PARP15: variants seen among roughly 807,000 people sequenced by gnomAD.
PARP15 encodes the protein protein mono-ADP-ribosyltransferase PARP15.
PARP15 carries 50 observed loss-of-function variants against 62.1 expected under a neutral mutation model. The observed-to-expected ratio is 0.81, with a 90% CI of 0.64 to 1.02. PARP15 has a LOEUF of 1.02. Ranked by LOEUF, PARP15 falls within the 50% of genes least tolerant of loss-of-function variation. The pLI, the probability that PARP15 is intolerant of heterozygous loss-of-function variation, is 0.00. For missense variants in PARP15, 820 were observed against 826.5 expected (o/e 0.99, Z 0.10); for synonymous variants, 309 against 293.1 (o/e 1.05, Z -0.55).
intron 1 of PARP15, among the ~76,000 whole-genome samples, chr3:122,580,017 A>G (rs1427328228): frequency 4.8e-5 from 6 of 125,874 alleles, no homozygotes; most frequent in Non-Finnish European, 7.0e-5. Context: ...ATATATATAT[A>G]TATATATATA....
intron 1 of PARP15, among the ~76,000 whole-genome samples, chr3:122,599,645 C>G (rs1017426306): frequency 1.3e-5 from 2 of 152,016 alleles, no homozygotes; most frequent in African/African-American, 4.8e-5. Flanking sequence ...ATAATCATAG[C>G]TAATTGCAGC....
chr3:122,612,994 C>T (rs1385368074), intron 3 of PARP15, 47 bp from the exon 4 acceptor site: 35 of 1,473,070 alleles, frequency 2.4e-5, no homozygotes, highest in African/African-American at 4.2e-5. Flanking sequence ...TTCTGTTTTC[C>T]GCTAGCTTAA....
In PARP15 at chr3:122,619,858, T is replaced by G. The variant is rs1936229396; in HGVS notation, c.1063+15T>G. On this transcript the variant is annotated intron_variant, in intron 7 of 11. Transcript: ENST00000464300. The stretch of plus-strand genomic sequence containing the variant: ...TGCTGTACTAGGTATGGGCACATGT[T>G]ACTTTTGACTACAAACTTGAAAATC... The G allele has an allele frequency of 6.2e-7, 1 of 1,601,480 alleles. No homozygotes were observed. Among genetic ancestry groups the G allele is most frequent in the South Asian group, 1.1e-5 (1 of 90,828 alleles).
chr3:122,582,935 G>GT (rs71270425), intron 1 of PARP15, among the ~76,000 whole-genome samples: 53,924 of 150,982 alleles, frequency 0.36, 9,915 homozygotes, highest in Admixed American at 0.45. Flanking sequence ...TGTTTACAGT[G>GT]TTTTTTTTCT....
chr3:122,623,427 G>A (rs1936477789), intron 8 of PARP15, among the ~76,000 whole-genome samples: 1 of 152,184 alleles, frequency 6.6e-6, no homozygotes, highest in South Asian at 2.1e-4. Context: ...CACATAGTGG[G>A]AAGGGTTGCA....
At position 122,621,558 on chromosome 3, in the gene PARP15, A is replaced by T. The variant is rs1383719580; in HGVS notation, c.1178A>T (p.Glu393Val). The T allele has an allele frequency of 9.3e-6, 15 of 1,613,790 alleles. No individual in the cohort carries two copies. Among genetic ancestry groups the T allele is most frequent in the Non-Finnish European group, 1.3e-5 (15 of 1,179,946 alleles). ...DVRKTVTSVL[E>V]ECEQRKYTSV... ...AGGAAAACGGTCACCAGTGTTCTAG[A>T]AGAGTGTGAACAGAGGAAGTACACA... Residue 393 changes from glutamate (E) to valine (V), a missense_variant, in exon 8 of 12, where the codon GAA becomes GTA. By Grantham distance (121) the Glu-to-Val change is moderately radical. Transcript: ENST00000464300.
chr3:122,583,420 C>T (rs1041088388), intron 1 of PARP15, among the ~76,000 whole-genome samples: 22 of 152,120 alleles, frequency 1.4e-4, no homozygotes, highest in African/African-American at 5.1e-4. Context: ...AGCCACCAAG[C>T]ACAGTCTGTA....
intron 1 of PARP15, among the ~76,000 whole-genome samples, chr3:122,586,876 G>A (rs1933489453): frequency 1.3e-5 from 2 of 152,248 alleles, no homozygotes; most frequent in African/African-American, 4.8e-5. Context: ...TTTTGACAAT[G>A]TTTAATAATA....
At chr3:122,583,110 G>A (rs1933092449) in intron 1 of PARP15, among the ~76,000 whole-genome samples, 1 of 103,704 alleles carries the variant, frequency 9.6e-6, no homozygotes, top group Non-Finnish European at 2.0e-5. Flanking sequence ...TCTATCATCT[G>A]TATCTTTTTT....
Position 122,626,962 on chromosome 3 carries a change from T to A in PARP15, c.1367T>A (p.Phe456Tyr). 1 of 1,613,974 alleles carries A rather than the reference T, an allele frequency of 6.2e-7. No homozygotes were observed. The highest frequency in any genetic ancestry group is 8.5e-7 in the Non-Finnish European group (1 of 1,179,974). ...TTTCAACCTGAGCTGCTAAATATAT[T>A]CTACGACAGCATGAAAAAAAGAGAC... ...VIFQPELLNI[F>Y]YDSMKKRDLS... The change falls in exon 9 of 12, where the codon TTC becomes TAC. Residue 456 changes from phenylalanine to tyrosine, a missense_variant. This residue lies in a region of PARP15 where 731 missense variants were observed against 727.7 expected (regional missense o/e 1.00). Coordinates refer to ENST00000464300, the MANE Select transcript of PARP15 (RefSeq NM_001113523.3).
At chr3:122,601,410 A>G (rs1471421489) in intron 1 of PARP15, among the ~76,000 whole-genome samples, 1 of 152,018 alleles carries the variant, frequency 6.6e-6, no homozygotes, top group Non-Finnish European at 1.5e-5. Context: ...CCTGTGCTCC[A>G]CCTATTCATC....
intron 9 of PARP15, among the ~76,000 whole-genome samples, chr3:122,629,022 A>G (rs761036767): frequency 1.1e-4 from 17 of 152,238 alleles, no homozygotes; most frequent in Non-Finnish European, 1.8e-4. Context: ...AGCACCAAGT[A>G]TATATCAGAT....
At chr3:122,620,807 G>T (rs1269562954) in intron 7 of PARP15, among the ~76,000 whole-genome samples, 1 of 143,644 alleles carries the variant, frequency 7.0e-6, no homozygotes, top group African/African-American at 2.9e-5. Context: ...AGGATGGGAT[G>T]GGCAGGGATC....
chr3:122,611,520 G>A (rs1935563091), intron 3 of PARP15, among the ~76,000 whole-genome samples: 1 of 151,626 alleles, frequency 6.6e-6, no homozygotes, highest in African/African-American at 2.4e-5. Context: ...TGTATTTTTA[G>A]TAGAGACGGG....
Position 122,597,537 on chromosome 3 carries a change from C to T in PARP15, c.187-8399C>T, listed in dbSNP as rs1013126364. On this transcript the variant is annotated intron_variant, in intron 1 of 11. Coordinates refer to ENST00000464300, the MANE Select transcript of PARP15 (RefSeq NM_001113523.3). ...TTGGCCTCCCAAAGTGCTGGGATTACAGATGTGAGTCACCGCGCCCAGCTT... is the reference window on the plus strand; with the variant it reads ...TTGGCCTCCCAAAGTGCTGGGATTATAGATGTGAGTCACCGCGCCCAGCTT... Among the ~76,000 whole-genome samples, 3 of 152,128 alleles carry T rather than the reference C, an allele frequency of 2.0e-5. No homozygotes were observed. In the East Asian group the frequency reaches 5.8e-4, roughly 29 times the overall value.
At chr3:122,586,479 G>C (rs1247445024) in intron 1 of PARP15, among the ~76,000 whole-genome samples, 1 of 151,888 alleles carries the variant, frequency 6.6e-6, no homozygotes, top group Non-Finnish European at 1.5e-5. Flanking sequence ...CAAAGTACTG[G>C]GATTACAGGC....
At chr3:122,616,327 C>CTTT (rs869254516) in intron 5 of PARP15, among the ~76,000 whole-genome samples, 9 of 122,154 alleles carry the variant, frequency 7.4e-5, no homozygotes, top group African/African-American at 1.2e-4. Flanking sequence ...TCTGAGCAGT[C>CTTT]TTTTTTTTTT....
In PARP15 at chr3:122,619,819, G is replaced by T; in HGVS notation, c.1039G>T (p.Val347Leu). ...TATTTTAGAAGGTGCTGGACAAGCT[G>T]TGGAAAGTGAATGTGCTGTACTAGG... ...RAILEGAGQA[V>L]ESECAVLAAQ... The change falls in exon 7 of 12, where the codon GTG (valine) becomes TTG (leucine). Residue 347 changes from valine (V) to leucine (L), a missense_variant. By Grantham distance (32) the Val-to-Leu change is conservative. Around this residue, in one of 3 missense-constraint regions of PARP15, gnomAD observed 731 missense variants for 727.7 expected, o/e 1.00. Transcript: ENST00000464300. 1 of 1,613,842 alleles carries T rather than the reference G, an allele frequency of 6.2e-7. No individual in the cohort carries two copies. The highest frequency in any genetic ancestry group is 8.5e-7 in the Non-Finnish European group (1 of 1,179,688).
intron 1 of PARP15, among the ~76,000 whole-genome samples, chr3:122,601,895 G>A (rs115115712): frequency 0.016 from 2,409 of 152,212 alleles, 67 homozygotes; most frequent in African/African-American, 0.053. Context: ...CACCAGCAAT[G>A]AATGAGTGTT....
Sources: allele counts gnomAD v4.1 joint callset (sites outside exome capture counted in the v4.1 genomes callset), GRCh38; gene constraint gnomAD v4.1.1; regional missense constraint gnomAD v4.1.1; transcripts MANE v1.5; gene names NCBI Gene and HGNC (gene_info 2026-07-23, HGNC 2026-07-21).